KLF12: variants seen among roughly 807,000 people sequenced by gnomAD.
KLF12 encodes the protein Krueppel-like factor 12.
KLF12 carries 9 observed loss-of-function variants against 37.8 expected under a neutral mutation model. That is an observed-to-expected ratio of 0.24 (90% CI 0.14 to 0.42). The LOEUF is 0.42. Ranked by LOEUF, KLF12 falls within the 10% of genes least tolerant of loss-of-function variation. The pLI is 1.00. For missense variants in KLF12, 411 were observed against 516.0 expected, an observed-to-expected ratio of 0.80 and a Z score of 1.97; for synonymous variants, 208 against 202.1, an observed-to-expected ratio of 1.03 and a Z score of -0.25.
intron 1 of KLF12, among the ~76,000 whole-genome samples, chr13:74,075,711 AAAC>A (rs1166367528): frequency 6.6e-6 from 1 of 152,238 alleles, no homozygotes; most frequent in Non-Finnish European, 1.5e-5. Context: ...ACCTTTAAAC[AAAC>A]ATCAATGTAC....
intron 5 of KLF12, among the ~76,000 whole-genome samples, chr13:73,778,225 T>C (rs940255896): frequency 2.0e-5 from 3 of 152,150 alleles, no homozygotes; most frequent in African/African-American, 7.2e-5. Context: ...CTGAAAATGC[T>C]TGAGGGAAAA....
At chr13:73,811,479 ATAAACT>A (rs1882939295) in intron 5 of KLF12, among the ~76,000 whole-genome samples, 2 of 152,180 alleles carry the variant, frequency 1.3e-5, no homozygotes, top group Admixed American at 6.5e-5. Flanking sequence ...CCTCGTGGTT[ATAAACT>A]TAAACTACTG....
Position 74,084,077 on chromosome 13 carries a change from C to T in KLF12, c.-32+49662G>A, listed in dbSNP as rs79997748. ...AATAAAATCATCTATTTTAATGTTA[C>T]CGAACAAGTACGTGAGGTTCACTAT... On this transcript the variant is annotated intron_variant, in intron 1 of 7. Coordinates refer to ENST00000377669, the MANE Select transcript of KLF12 (RefSeq NM_007249.5). 3.3e-5 allele frequency among the ~76,000 whole-genome samples: 5 copies of T among 152,174 alleles called. No homozygotes were observed. In the East Asian group the frequency reaches 5.8e-4, roughly 18 times the overall value.
At chr13:74,292,062 A>G in the KLF12 span, among the ~76,000 whole-genome samples, 1 of 152,238 alleles carries the variant, frequency 6.6e-6, no homozygotes, top group Non-Finnish European at 1.5e-5. Context: ...ACCAAAGTTA[A>G]GTTTAATTGC....
chr13:73,807,960 A>C (rs1882733504), intron 5 of KLF12, among the ~76,000 whole-genome samples: 1 of 152,150 alleles, frequency 6.6e-6, no homozygotes, highest in African/African-American at 2.4e-5. Context: ...GAGCATTATG[A>C]ATGTTTGGAA....
intron 3 of KLF12, among the ~76,000 whole-genome samples, chr13:73,899,890 G>C (rs1182831204): frequency 6.6e-6 from 1 of 152,066 alleles, no homozygotes; most frequent in Non-Finnish European, 1.5e-5. Context: ...CCTACTATGA[G>C]ACTTCACAGC....
At chr13:74,296,762 T>C in the KLF12 span, among the ~76,000 whole-genome samples, 5 of 152,168 alleles carry the variant, frequency 3.3e-5, no homozygotes, top group African/African-American at 1.2e-4. Context: ...AGCTTATTCC[T>C]CTAGTCTCAA....
chr13:73,775,137 C>T (rs1461586454), intron 5 of KLF12, among the ~76,000 whole-genome samples: 1 of 152,072 alleles, frequency 6.6e-6, no homozygotes. Flanking sequence ...AGGCTGGGCT[C>T]GAACTCCTGA....
intron 5 of KLF12, among the ~76,000 whole-genome samples, chr13:73,793,538 A>C (rs1881804342): frequency 6.6e-6 from 1 of 152,212 alleles, no homozygotes. Flanking sequence ...GGCCACAATA[A>C]GAGTTAATAA....
chr13:74,266,628 A>G, the KLF12 span, among the ~76,000 whole-genome samples: 1 of 152,194 alleles, frequency 6.6e-6, no homozygotes, highest in Non-Finnish European at 1.5e-5. Flanking sequence ...CCTGTGACTA[A>G]TTAGTAGCCT....
intron 5 of KLF12, among the ~76,000 whole-genome samples, chr13:73,795,188 A>G (rs545207272): frequency 2.0e-4 from 30 of 152,352 alleles, no homozygotes; most frequent in Non-Finnish European, 3.8e-4. Context: ...TGATCCACGC[A>G]GACCTTCCAC....
intron 2 of KLF12, among the ~76,000 whole-genome samples, chr13:73,979,985 A>G (rs953574650): frequency 2.0e-5 from 3 of 152,332 alleles, no homozygotes; most frequent in African/African-American, 7.2e-5. Context: ...AGCCATTTCC[A>G]AGCCAGAGAG....
intron 5 of KLF12, among the ~76,000 whole-genome samples, chr13:73,782,134 G>A (rs1159259283): frequency 1.3e-5 from 2 of 152,118 alleles, no homozygotes; most frequent in Non-Finnish European, 2.9e-5. Context: ...CCAGACTGCC[G>A]GGGTTCAAAT....
At chr13:74,135,414 C>T (rs1160545967), upstream of KLF12, among the ~76,000 whole-genome samples, 3 of 151,942 alleles carry the variant, frequency 2.0e-5, no homozygotes, top group African/African-American at 7.2e-5. Flanking sequence ...TTGACGCTCT[C>T]CCCGGCAGCC....
upstream of KLF12, among the ~76,000 whole-genome samples, chr13:74,134,030 C>CGAGCCCCGGTCTAGTGTGGG (rs1301794062): frequency 6.6e-6 from 1 of 152,064 alleles, no homozygotes; most frequent in Non-Finnish European, 1.5e-5. Flanking sequence ...TGCCGAGTTG[C>CGAGCCCCGGTCTAGTGTGGG]GAGCCCCGGT....
At chr13:74,200,348 G>T in the KLF12 span, among the ~76,000 whole-genome samples, 7 of 152,108 alleles carry the variant, frequency 4.6e-5, no homozygotes, top group African/African-American at 1.7e-4. Flanking sequence ...AGAACTGACC[G>T]GCTGGGGGAA....
At chr13:73,919,888 T>C (rs1436710034) in intron 3 of KLF12, among the ~76,000 whole-genome samples, 1 of 152,206 alleles carries the variant, frequency 6.6e-6, no homozygotes, top group Non-Finnish European at 1.5e-5. Flanking sequence ...ATATCGAAGC[T>C]TATTGCTACT....
At chr13:74,135,630 G>T (rs1480984938), upstream of KLF12, among the ~76,000 whole-genome samples, 1 of 151,582 alleles carries the variant, frequency 6.6e-6, no homozygotes, top group Admixed American at 6.6e-5. Context: ...GAGGCGGGAG[G>T]CTGTGGGCCC....
the KLF12 span, among the ~76,000 whole-genome samples, chr13:74,144,125 G>A: frequency 6.6e-6 from 1 of 152,148 alleles, no homozygotes; most frequent in Non-Finnish European, 1.5e-5. Context: ...GTAGAAAACT[G>A]CCTAGCATGT....
Sources: gnomAD v4.1 joint callset for allele counts (sites outside exome capture counted in the v4.1 genomes callset) on GRCh38, gnomAD v4.1.1 for gene constraint, MANE v1.5 for transcripts, NCBI Gene and HGNC (gene_info 2026-07-23, HGNC 2026-07-21) for gene names.